CNOT2: variants seen among roughly 807,000 people sequenced by gnomAD.
CNOT2 encodes the protein CCR4-NOT transcription complex subunit 2, also known as CC chemokine receptor 4-negative regulator of transcription 2.
In CNOT2, 7 loss-of-function variants were observed where a neutral mutation model predicts 72.1. The observed-to-expected ratio is 0.10, with a 90% CI of 0.06 to 0.18. The LOEUF is 0.18. CNOT2 is among the 10% of genes least tolerant of loss of function. The probability of loss-of-function intolerance (pLI) is 1.00; values close to 1 mark genes in which losing one functional copy is unlikely to be tolerated. For synonymous variants in CNOT2, 196 were observed against 225.6 expected, an observed-to-expected ratio of 0.87 and a Z score of 1.17; for missense variants, 345 against 660.3, an observed-to-expected ratio of 0.52 and a Z score of 5.23.
intron 4 of CNOT2, chr12:70,323,511 A>T (rs1176484741): frequency 6.6e-6 from 1 of 151,792 alleles, no homozygotes; most frequent in East Asian, 1.9e-4. Context: ...CAAAGACAGG[A>T]GTAATCAGGT....
intron 2 of CNOT2, among the ~76,000 whole-genome samples, chr12:70,304,957 G>C (rs770519120): frequency 6.6e-6 from 1 of 152,222 alleles, no homozygotes; most frequent in Non-Finnish European, 1.5e-5. Flanking sequence ...CTCCGTGGGC[G>C]TAGGACCCTC....
intron 1 of CNOT2, among the ~76,000 whole-genome samples, chr12:70,249,853 T>C (rs1321375989): frequency 6.6e-6 from 1 of 152,120 alleles, no homozygotes; most frequent in Admixed American, 6.5e-5. Context: ...TGCACCATTA[T>C]TCTGAGGTAA....
intron 2 of CNOT2, chr12:70,294,440 T>G (rs546513815): frequency 3.3e-5 from 14 of 428,416 alleles, no homozygotes; most frequent in Admixed American, 1.6e-4. Flanking sequence ...ATAAAACTCA[T>G]AAATTATTTA....
chr12:70,313,700 C>T (rs987996057), intron 3 of CNOT2, among the ~76,000 whole-genome samples: 3 of 151,978 alleles, frequency 2.0e-5, no homozygotes, highest in Admixed American at 2.0e-4. Context: ...AAAATCAAAA[C>T]CTATTTTGTA....
At chr12:70,278,924 AAC>A (rs1261515339) in intron 2 of CNOT2, among the ~76,000 whole-genome samples, 1 of 152,212 alleles carries the variant, frequency 6.6e-6, no homozygotes, top group East Asian at 1.9e-4. Flanking sequence ...TGTGCTATTA[AAC>A]AGTGATTTAA....
intron 2 of CNOT2, among the ~76,000 whole-genome samples, chr12:70,310,418 T>C (rs1461547500): frequency 6.6e-6 from 1 of 152,076 alleles, no homozygotes; most frequent in Non-Finnish European, 1.5e-5. Context: ...TATGCCACTA[T>C]ATATGCACTG....
chr12:70,243,646 T>C (rs1957684836), intron 1 of CNOT2, 166 bp downstream of exon 1: 1 of 141,206 alleles, frequency 7.1e-6, no homozygotes, highest in African/African-American at 2.6e-5. Context: ...TTGTCTCGGC[T>C]CCAATCGAGA....
At chr12:70,353,575 C>T (rs1050669625) in intron 15 of CNOT2, among the ~76,000 whole-genome samples, 3 of 151,944 alleles carry the variant, frequency 2.0e-5, no homozygotes, top group Admixed American at 2.0e-4. Context: ...ATTTCAGTGT[C>T]AAGTGGTCCA....
Position 70,330,366 on chromosome 12 carries a change from A to G in CNOT2, c.466A>G (p.Asn156Asp). 6.2e-7 allele frequency: 1 copy of G among 1,611,918 alleles called. No homozygotes were observed. The highest frequency in any genetic ancestry group is 8.5e-7 in the Non-Finnish European group (1 of 1,178,408). The change falls in exon 6 of 16, where the codon AAT becomes GAT. Residue 156 changes from asparagine to aspartate, a missense_variant. Asn to Asp is a conservative substitution (Grantham distance 23). Coordinates refer to ENST00000229195, the MANE Select transcript of CNOT2 (RefSeq NM_014515.7). ...GGGCATTGGAATTCCTAGCAGGACA[A>G]ATAGCATGAGCAGTTCAGGGTTAGG... is the stretch of plus-strand genomic sequence containing the variant. The part of the protein sequence containing the change: ...GQGIGIPSRT[N>D]SMSSSGLGSP...
intron 1 of CNOT2, among the ~76,000 whole-genome samples, chr12:70,253,392 A>AT (rs1565727759): frequency 6.6e-6 from 1 of 152,230 alleles, no homozygotes; most frequent in African/African-American, 2.4e-5. Flanking sequence ...GTTGGTTCCC[A>AT]TGCCATTTCC....
At chr12:70,310,228 A>C (rs74969927) in intron 2 of CNOT2, among the ~76,000 whole-genome samples, 4,100 of 152,126 alleles carry the variant, frequency 0.027, 118 homozygotes, top group African/African-American at 0.059. Context: ...CACAGATAGC[A>C]AGTGACAACA....
At chr12:70,300,873 GTT>G (rs1411635038) in intron 2 of CNOT2, among the ~76,000 whole-genome samples, 1 of 152,148 alleles carries the variant, frequency 6.6e-6, no homozygotes, top group East Asian at 1.9e-4. Context: ...TCTTCCATTT[GTT>G]TGTATCCTCT....
intron 5 of CNOT2, 72 bp downstream of exon 5, chr12:70,329,642 T>C (rs1879630931): frequency 9.3e-7 from 1 of 1,070,734 alleles, no homozygotes; most frequent in Non-Finnish European, 1.4e-6. Flanking sequence ...AGTTTTTTAA[T>C]AAGGTAATTA....
intron 2 of CNOT2, among the ~76,000 whole-genome samples, chr12:70,309,094 C>G (rs1006755709): frequency 6.6e-6 from 1 of 152,060 alleles, no homozygotes; most frequent in Non-Finnish European, 1.5e-5. Flanking sequence ...AAATTACTCA[C>G]TAAGAAACAT....
intron 2 of CNOT2, among the ~76,000 whole-genome samples, chr12:70,294,510 A>G (rs913199710): frequency 3.3e-5 from 5 of 152,182 alleles, no homozygotes; most frequent in Admixed American, 2.6e-4. Flanking sequence ...AAAAACCTTA[A>G]TAAACTATTA....
chr12:70,353,616 C>T (rs1313065265), intron 15 of CNOT2, among the ~76,000 whole-genome samples: 5 of 152,058 alleles, frequency 3.3e-5, no homozygotes, highest in Middle Eastern at 3.4e-3. Context: ...ACACAGAAAG[C>T]CTGTCTGTAT....
chr12:70,337,369 G>C lies in CNOT2; in HGVS notation c.776-20G>C. The stretch of plus-strand genomic sequence containing the variant: ...TCATAAATATCAATTGCAATTCTCC[G>C]GATTATTTTCATTACATAGTTGGAA... On this transcript the variant is annotated intron_variant, in intron 8 of 15. Coordinates refer to ENST00000229195, the MANE Select transcript of CNOT2 (RefSeq NM_014515.7). The C allele has an allele frequency of 1.3e-6, 2 of 1,591,424 alleles. No homozygotes were observed. The highest frequency in any genetic ancestry group is 1.7e-6 in the Non-Finnish European group (2 of 1,162,208).
At chr12:70,243,579 G>C (rs1173719515) in intron 1 of CNOT2, 99 bp downstream of exon 1, 1 of 152,222 alleles carries the variant, frequency 6.6e-6, no homozygotes, top group Non-Finnish European at 1.5e-5. Flanking sequence ...CCCGGGGCCG[G>C]TCCGGTCGCG....
chr12:70,353,639 T>A (rs925689948), intron 15 of CNOT2, among the ~76,000 whole-genome samples, 190 bp from the exon 16 acceptor site: 2 of 152,136 alleles, frequency 1.3e-5, no homozygotes, highest in Non-Finnish European at 2.9e-5. Flanking sequence ...TTTGTACTCA[T>A]TGGTTAGAAA....
Sources: gnomAD v4.1 joint callset for allele counts (sites outside exome capture counted in the v4.1 genomes callset) on GRCh38, gnomAD v4.1.1 for gene constraint, MANE v1.5 for transcripts, NCBI Gene and HGNC (gene_info 2026-07-23, HGNC 2026-07-21) for gene names.